The following NHSL1 variants were observed in gnomAD, a reference collection of about 807,000 sequenced individuals.
The protein encoded by NHSL1 is NHS-like protein 1.
In NHSL1, 48 loss-of-function variants were observed where a neutral mutation model predicts 95.0. The observed-to-expected ratio is 0.51, with a 90% CI of 0.40 to 0.64. NHSL1 has a LOEUF of 0.64. NHSL1 is among the 30% of genes least tolerant of loss of function. The pLI is 0.00. For missense variants in NHSL1, 1,971 were observed against 2,077.7 expected, an observed-to-expected ratio of 0.95 and a Z score of 1.00; for synonymous variants, 783 against 833.9, an observed-to-expected ratio of 0.94 and a Z score of 1.05.
At chr6:138,474,688 T>C (rs1448116130) in intron 2 of NHSL1, among the ~76,000 whole-genome samples, 2 of 152,228 alleles carry the variant, frequency 1.3e-5, no homozygotes, top group East Asian at 3.8e-4. Flanking sequence ...GGCTGGCAAC[T>C]ACTTGTAATA....
chr6:138,506,369 A>G lies in NHSL1; in HGVS notation c.17-9998T>C, dbSNP rs1424608898. 2.6e-5 allele frequency among the ~76,000 whole-genome samples: 4 copies of G among 152,188 alleles called. No individual in the cohort carries two copies. The South Asian group carries it at 6.2e-4, about 24-fold the overall frequency. Reference sequence around the variant, plus strand: ...GTTTTGAATTATTATTCAAACAATTATTACTGAATTATTGAAGCTGCAAAG... The same window carrying G: ...GTTTTGAATTATTATTCAAACAATTGTTACTGAATTATTGAAGCTGCAAAG... On this transcript the variant is annotated intron_variant, in intron 1 of 4. Transcript: ENST00000342260.
At position 138,433,727 on chromosome 6, in the gene NHSL1, T is replaced by C. The variant is rs1009715806; in HGVS notation, c.665-47A>G. Reference sequence around the variant, plus strand: ...GCTTGTTACCTGAAAATAAAATCCATAGTTCATCACGTGTACCCTCACCCC... The same window carrying C: ...GCTTGTTACCTGAAAATAAAATCCACAGTTCATCACGTGTACCCTCACCCC... On this transcript the variant is annotated intron_variant, in intron 5 of 7. Transcript: ENST00000343505. The C allele has an allele frequency of 1.4e-5, 21 of 1,471,230 alleles. No individual in the cohort carries two copies. In the Middle Eastern group the frequency reaches 1.2e-3, roughly 87 times the overall value. 91.1% of individuals were successfully genotyped at this position (1,471,230 alleles called of 1,614,324 possible).
In NHSL1 at chr6:138,646,450, T is replaced by C. The variant is rs140403107; in HGVS notation, c.96+46026A>G. ...CAGAGGTTGCATAAGCCCCTGCAGA[T>C]TGCACCACAGCACTCCTGCCTGAGC... On this transcript the variant is annotated intron_variant, in intron 1 of 3. Transcript: ENST00000491526. Among the ~76,000 whole-genome samples, 153 of 152,062 alleles carry C rather than the reference T, an allele frequency of 1.0e-3. 1 individual carries two copies. Among genetic ancestry groups the C allele is most frequent in the African/African-American group, 3.7e-3 (152 of 41,460 alleles).
intron 1 of NHSL1, among the ~76,000 whole-genome samples, chr6:138,622,670 A>G (rs147619177): frequency 1.4e-4 from 21 of 152,354 alleles, no homozygotes; most frequent in African/African-American, 5.1e-4. Context: ...AGGGGAAAAA[A>G]AATACTTAGC....
At chr6:138,491,251 A>G (rs1312901774) in intron 2 of NHSL1, among the ~76,000 whole-genome samples, 1 of 152,240 alleles carries the variant, frequency 6.6e-6, no homozygotes, top group Non-Finnish European at 1.5e-5. Flanking sequence ...GAATGTACAC[A>G]GAGACAGTAA....
intron 1 of NHSL1, among the ~76,000 whole-genome samples, chr6:138,668,498 T>A (rs1307419066): frequency 6.6e-6 from 1 of 152,092 alleles, no homozygotes; most frequent in Admixed American, 6.6e-5. Context: ...CATTTCACCA[T>A]ATATACATTA....
intron 1 of NHSL1, among the ~76,000 whole-genome samples, chr6:138,545,376 A>G (rs1782750308): frequency 6.6e-6 from 1 of 152,188 alleles, no homozygotes. Flanking sequence ...ATAACAAAAC[A>G]CACACAAAAC....
chr6:138,610,788 G>A (rs1784501835), intron 1 of NHSL1, among the ~76,000 whole-genome samples: 1 of 151,940 alleles, frequency 6.6e-6, no homozygotes, highest in Non-Finnish European at 1.5e-5. Context: ...GAAAATAAAG[G>A]CATTATTGGC....
intron 1 of NHSL1, chr6:138,650,522 TA>T (rs1785077222): frequency 1.6e-6 from 1 of 622,446 alleles, no homozygotes; most frequent in Non-Finnish European, 3.1e-6. Context: ...AGTAGGCCAG[TA>T]GGTTACAGCC....
At chr6:138,572,847 GTAGATAGATAGATAGA>G (rs60380179), upstream of NHSL1, among the ~76,000 whole-genome samples, 11 of 149,738 alleles carry the variant, frequency 7.3e-5, no homozygotes, top group Admixed American at 2.0e-4. Flanking sequence ...GCTTAATACA[GTAGATAGATAGATAGA>G]TAGATAGATA....
rs1350516532 is a variant in NHSL1, at chr6:138,657,832, A to G, written c.96+34644T>C. ...TCCATCTCAAAAAAAAAAAAAAAAAAAAAAGAAAGAAAAAAAGAGTCTATA... is the reference window on the plus strand; with the variant it reads ...TCCATCTCAAAAAAAAAAAAAAAAAGAAAAGAAAGAAAAAAAGAGTCTATA... On this transcript the variant is annotated intron_variant, in intron 1 of 3. Coordinates refer to the NHSL1 transcript ENST00000491526. Among the ~76,000 whole-genome samples, 38 of 149,032 alleles carry G rather than the reference A, an allele frequency of 2.5e-4. No individual in the cohort carries two copies. In the East Asian group the frequency reaches 2.9e-3, roughly 11 times the overall value.
intron 1 of NHSL1, among the ~76,000 whole-genome samples, chr6:138,505,847 C>A (rs930756459): frequency 6.6e-6 from 1 of 152,014 alleles, no homozygotes; most frequent in African/African-American, 2.4e-5. Context: ...TTCAGGGCAA[C>A]CTTATCTATA....
chr6:138,680,740 C>T (rs1785502093), intron 1 of NHSL1, among the ~76,000 whole-genome samples: 1 of 152,124 alleles, frequency 6.6e-6, no homozygotes, highest in South Asian at 2.1e-4. Flanking sequence ...CCTCAGCCTC[C>T]CAATCAGCTG....
At position 138,499,421 on chromosome 6, in the gene NHSL1, A is replaced by ATCTG; in HGVS notation, c.-135_-132dup. 1 of 1,458,436 alleles carries ATCTG rather than the reference A, an allele frequency of 6.9e-7. No homozygotes were observed. Among genetic ancestry groups the ATCTG allele is most frequent in the Non-Finnish European group, 9.1e-7 (1 of 1,099,260 alleles). 90.3% of individuals were successfully genotyped at this position (1,458,436 alleles called of 1,614,324 possible). A position where few individuals can be genotyped will look rare whatever the true frequency, so the allele number is the denominator to read the frequency against. On this transcript the variant is annotated 5_prime_UTR_variant, in exon 1 of 8. It adds an upstream start codon to the 5' untranslated region. Coordinates refer to ENST00000343505, the MANE Select transcript of NHSL1 (RefSeq NM_001144060.2). ...TTCCCCCGGTCTCATATCCTTAGAC[A>ATCTG]TCTGCCCAGGCTGATGTAACTGAGG... is the stretch of plus-strand genomic sequence containing the variant.
intron 1 of NHSL1, among the ~76,000 whole-genome samples, chr6:138,611,446 G>C (rs1784510489): frequency 6.6e-6 from 1 of 152,156 alleles, no homozygotes; most frequent in Non-Finnish European, 1.5e-5. Flanking sequence ...TATGCAAAAG[G>C]TAAACATTAA....
At chr6:138,659,570 G>A (rs868462972) in intron 1 of NHSL1, among the ~76,000 whole-genome samples, 2 of 152,096 alleles carry the variant, frequency 1.3e-5, no homozygotes, top group African/African-American at 4.8e-5. Flanking sequence ...TTGACTCTTT[G>A]GGGATGGAAG....
At chr6:138,460,080 G>A (rs1213535333) in intron 3 of NHSL1, among the ~76,000 whole-genome samples, 3 of 152,176 alleles carry the variant, frequency 2.0e-5, no homozygotes, top group African/African-American at 7.2e-5. Context: ...AAAAAGAACC[G>A]CACTTTTTCC....
exon 1 of NHSL1, chr6:138,572,366 C>G (rs921444209): frequency 6.4e-6 from 1 of 155,326 alleles, no homozygotes; most frequent in African/African-American, 2.4e-5. Context: ...GCCAGCTGCC[C>G]TGGTGAAGTA....
intron 1 of NHSL1, among the ~76,000 whole-genome samples, chr6:138,643,677 A>G (rs1462125649): frequency 6.6e-6 from 1 of 152,220 alleles, no homozygotes; most frequent in Non-Finnish European, 1.5e-5. Flanking sequence ...ATTAGGTACT[A>G]TTTTAACAGA....
Sources: gnomAD v4.1 joint callset for allele counts (sites outside exome capture counted in the v4.1 genomes callset) on GRCh38, gnomAD v4.1.1 for gene constraint, MANE v1.5 for transcripts, NCBI Gene and HGNC (gene_info 2026-07-23, HGNC 2026-07-21) for gene names.